SFMBT1: variants seen among roughly 807,000 people sequenced by gnomAD.
SFMBT1 encodes the protein scm-like with four MBT domains protein 1.
SFMBT1 carries 32 observed loss-of-function variants against 108.7 expected under a neutral mutation model. The ratio of observed to expected loss-of-function variants is 0.29; its 90% CI spans 0.22 to 0.40. SFMBT1 has a LOEUF of 0.40. SFMBT1 is among the 10% of genes least tolerant of loss of function. The pLI, the probability that SFMBT1 is intolerant of heterozygous loss-of-function variation, is 1.00. For missense variants in SFMBT1, 816 were observed against 1,059.6 expected (o/e 0.77, Z 3.19); for synonymous variants, 348 against 369.5 (o/e 0.94, Z 0.67).
intron 1 of SFMBT1, among the ~76,000 whole-genome samples, chr3:53,023,224 C>T (rs1362123820): frequency 6.6e-6 from 1 of 152,124 alleles, no homozygotes; most frequent in African/African-American, 2.4e-5. Flanking sequence ...TAATCTGGGA[C>T]ATGGTTGGGC....
intron 3 of SFMBT1, among the ~76,000 whole-genome samples, chr3:52,944,449 G>C (rs932489463): frequency 1.3e-5 from 2 of 152,224 alleles, no homozygotes; most frequent in African/African-American, 4.8e-5. Flanking sequence ...TCTGTGAATT[G>C]AGAGGGACTA....
chr3:52,958,422 C>A (rs1435369671), intron 2 of SFMBT1, among the ~76,000 whole-genome samples: 1 of 152,170 alleles, frequency 6.6e-6, no homozygotes, highest in African/African-American at 2.4e-5. Flanking sequence ...GAAACCCCAT[C>A]TCTACTAAAA....
Position 52,986,774 on chromosome 3 carries a change from CAAAAAAA to C in SFMBT1, c.-130-17523_-130-17517del, listed in dbSNP as rs57437185. Among the ~76,000 whole-genome samples, 10 of 70,816 alleles carry C rather than the reference CAAAAAAA, an allele frequency of 1.4e-4. 1 individual carries two copies. The highest frequency in any genetic ancestry group is 5.4e-5 in the African/African-American group (1 of 18,412). 46.5% of individuals were successfully genotyped at this position (70,816 alleles called of 152,430 possible). The stretch of plus-strand genomic sequence containing the variant: ...CTGGTGACAGAGCAAGACTCTGTCT[CAAAAAAA>C]AAAAAAAAATTAGCAGGGTGTGGTG... On this transcript the variant is annotated intron_variant, in intron 1 of 20. Coordinates refer to ENST00000394752, the MANE Select transcript of SFMBT1 (RefSeq NM_016329.4).
At chr3:52,993,473 T>C (rs2106899788) in intron 1 of SFMBT1, among the ~76,000 whole-genome samples, 1 of 150,398 alleles carries the variant, frequency 6.6e-6, no homozygotes, top group Non-Finnish European at 1.5e-5. Context: ...CTTTATGTGC[T>C]AGCAGTAAAT....
At chr3:53,038,971 A>G (rs1699951070) in intron 1 of SFMBT1, among the ~76,000 whole-genome samples, 1 of 152,214 alleles carries the variant, frequency 6.6e-6, no homozygotes, top group African/African-American at 2.4e-5. Flanking sequence ...CACGAATGTC[A>G]GTGATCACAC....
At chr3:53,039,701 C>T (rs1699974104) in intron 1 of SFMBT1, among the ~76,000 whole-genome samples, 1 of 152,172 alleles carries the variant, frequency 6.6e-6, no homozygotes, top group Non-Finnish European at 1.5e-5. Context: ...GTGATGTCAT[C>T]TCAGCTCACT....
intron 2 of SFMBT1, among the ~76,000 whole-genome samples, chr3:52,956,743 A>G (rs553579407): frequency 4.4e-4 from 67 of 152,344 alleles, no homozygotes; most frequent in African/African-American, 1.4e-3. Context: ...GCTGGGCGAC[A>G]GAGCGAGATT....
chr3:52,954,544 G>GGTTTT (rs747276052), intron 2 of SFMBT1, 133 bp from the exon 3 acceptor site: 2 of 707,602 alleles, frequency 2.8e-6, no homozygotes, highest in Admixed American at 5.7e-5. Flanking sequence ...AATTAAGTGG[G>GGTTTT]GTTTTGTTTT....
At chr3:52,988,567 A>G (rs1040805775) in intron 1 of SFMBT1, among the ~76,000 whole-genome samples, 2 of 152,218 alleles carry the variant, frequency 1.3e-5, no homozygotes. Context: ...TTTAACAACA[A>G]TGATACTAGG....
At chr3:52,945,274 A>G (rs1213725741) in intron 3 of SFMBT1, among the ~76,000 whole-genome samples, 1 of 152,022 alleles carries the variant, frequency 6.6e-6, no homozygotes, top group Non-Finnish European at 1.5e-5. Flanking sequence ...AGTATGTTGA[A>G]GGAACATACA....
intron 1 of SFMBT1, among the ~76,000 whole-genome samples, chr3:53,034,071 CAAAAAAAA>C (rs61046895): frequency 3.5e-5 from 1 of 28,698 alleles, no homozygotes; most frequent in Non-Finnish European, 6.5e-5. Flanking sequence ...ACTCTGTCTC[CAAAAAAAA>C]AAAAAAAAAA....
chr3:52,990,256 G>C (rs886415682), intron 1 of SFMBT1, among the ~76,000 whole-genome samples: 1 of 152,188 alleles, frequency 6.6e-6, no homozygotes, highest in Non-Finnish European at 1.5e-5. Context: ...GATAAATGCA[G>C]TATTATTCTC....
intron 2 of SFMBT1, among the ~76,000 whole-genome samples, chr3:52,960,096 T>C (rs1703910206): frequency 6.6e-6 from 1 of 151,722 alleles, no homozygotes; most frequent in Non-Finnish European, 1.5e-5. Context: ...ACACAGCAGT[T>C]GAAATGAATG....
chr3:52,962,009 T>C (rs1703974011), intron 2 of SFMBT1, among the ~76,000 whole-genome samples: 1 of 152,322 alleles, frequency 6.6e-6, no homozygotes, highest in East Asian at 1.9e-4. Flanking sequence ...AAGAAATAAA[T>C]GCATAATCCT....
chr3:53,007,941 C>T (rs1366076380), intron 1 of SFMBT1, among the ~76,000 whole-genome samples: 1 of 151,834 alleles, frequency 6.6e-6, no homozygotes, highest in Non-Finnish European at 1.5e-5. Context: ...GGACAGGCTA[C>T]AAAATAACTG....
chr3:52,998,402 A>G (rs1698416811), intron 1 of SFMBT1, among the ~76,000 whole-genome samples: 1 of 150,292 alleles, frequency 6.7e-6, no homozygotes, highest in African/African-American at 2.4e-5. Flanking sequence ...AAAAAAAAGA[A>G]AAGAAAAGAA....
intron 1 of SFMBT1, among the ~76,000 whole-genome samples, chr3:52,988,880 C>T (rs932201440): frequency 3.9e-5 from 6 of 152,154 alleles, no homozygotes; most frequent in African/African-American, 9.7e-5. Context: ...ATTTCCAAAG[C>T]GCAGCAGGAC....
At chr3:52,943,066 G>T (rs1369876901) in intron 4 of SFMBT1, among the ~76,000 whole-genome samples, 1 of 152,178 alleles carries the variant, frequency 6.6e-6, no homozygotes, top group Non-Finnish European at 1.5e-5. Context: ...AAAACAACCA[G>T]ATCTACAAAT....
At chr3:52,914,778 A>C (rs1443949178) in intron 14 of SFMBT1, among the ~76,000 whole-genome samples, 1 of 152,184 alleles carries the variant, frequency 6.6e-6, no homozygotes, top group East Asian at 1.9e-4. Flanking sequence ...ATGGTCTATC[A>C]TAGTGGCCAG....
Sources: allele counts gnomAD v4.1 joint callset (sites outside exome capture counted in the v4.1 genomes callset), GRCh38; gene constraint gnomAD v4.1.1; transcripts MANE v1.5; gene names NCBI Gene and HGNC (gene_info 2026-07-23, HGNC 2026-07-21).